MED17: variants seen among roughly 807,000 people sequenced by gnomAD.
The protein encoded by MED17 is mediator complex subunit 17, also known as mediator of RNA polymerase II transcription subunit 17.
In MED17, 49 loss-of-function variants were observed where a neutral mutation model predicts 80.8. The observed-to-expected ratio is 0.61, with a 90% CI of 0.48 to 0.77. The LOEUF (loss-of-function observed/expected upper bound fraction) is 0.77. Among genes scored for constraint, MED17 ranks in the 30% least tolerant of loss-of-function variants. The probability of loss-of-function intolerance (pLI) is 0.00; values close to 1 mark genes in which losing one functional copy is unlikely to be tolerated. For missense variants in MED17, 718 were observed against 787.0 expected (o/e 0.91, Z 1.05); for synonymous variants, 281 against 280.4 (o/e 1.00, Z -0.02).
chr11:93,804,528 A>T (rs574532447), intron 9 of MED17, among the ~76,000 whole-genome samples: 1 of 152,316 alleles, frequency 6.6e-6, no homozygotes, highest in East Asian at 1.9e-4. Flanking sequence ...TTTCTTACAC[A>T]TCTTTCTAGG....
chr11:93,809,475 G>A lies in MED17; in HGVS notation c.1585-242G>A. On this transcript the variant is annotated intron_variant, in intron 10 of 11. Transcript: ENST00000251871. ...TCAGTTGGCCAAATTTATGTCATAT[G>A]TCTTTGCTTAAGCTGCCAGTGGGCA... is the stretch of plus-strand genomic sequence containing the variant. 25 of 556,894 alleles carry A rather than the reference G, an allele frequency of 4.5e-5. 2 individuals are homozygous for A. Among genetic ancestry groups the A allele is most frequent in the South Asian group, 4.5e-4 (23 of 51,662 alleles). The allele number at this position is 556,894 out of a possible 1,614,324, so 34.5% of individuals were successfully genotyped here.
rs1458121857 is a variant in MED17 at position 93,814,333 on chromosome 11, A to G, written c.*2269A>G. 1.3e-5 allele frequency: 2 copies of G among 152,178 alleles called. No homozygotes were observed. Among genetic ancestry groups the G allele is most frequent in the South Asian group, 4.1e-4 (2 of 4,830 alleles). 9.4% of individuals were successfully genotyped at this position (152,178 alleles called of 1,614,324 possible). A position where few individuals can be genotyped will look rare whatever the true frequency, so the allele number is the denominator to read the frequency against. On this transcript the variant is annotated 3_prime_UTR_variant, in exon 12 of 12. Transcript: ENST00000251871. ...TGTGGTAGCAATTCTTATGCCTTGT[A>G]TTTATTTACATTTTCTAGTTTAATG...
chr11:93,795,466 C>T (rs747505143), intron 6 of MED17: 3 of 182,410 alleles, frequency 1.6e-5, no homozygotes, highest in East Asian at 1.5e-4. Flanking sequence ...TATGGGAGGC[C>T]GAGGCGGGCA....
chr11:93,790,706 A>C lies in MED17; in HGVS notation c.550A>C (p.Asn184His). 1 of 1,614,272 alleles carries C rather than the reference A, an allele frequency of 6.2e-7. No individual in the cohort carries two copies. The highest frequency in any genetic ancestry group is 8.5e-7 in the Non-Finnish European group (1 of 1,180,050). ...NQENKLQRDF[N>H]SELLRLRQHW... is the part of the protein sequence containing the mutation. ...AGAAAACAAGCTACAAAGAGACTTC[A>C]ATTCTGAGCTTTTGCGATTACGGCA... The change falls in exon 3 of 12, where the codon AAT (asparagine) becomes CAT (histidine). Residue 184 changes from asparagine to histidine, a missense_variant. By Grantham distance (68) the Asn-to-His change is moderately conservative. Transcript: ENST00000251871.
chr11:93,790,385 C>T (rs1341648100), intron 2 of MED17, 189 bp from the exon 3 acceptor site: 2 of 626,706 alleles, frequency 3.2e-6, no homozygotes, highest in South Asian at 3.3e-5. Flanking sequence ...TTTGGTTTAA[C>T]ATAAGTAAAG....
At chr11:93,803,999 GTA>G (rs1166820708) in intron 9 of MED17, among the ~76,000 whole-genome samples, 376 of 27,114 alleles carry the variant, frequency 0.014, 1 homozygote, top group African/African-American at 0.03. Flanking sequence ...ATATGTGTGT[GTA>G]TATATATATA....
At chr11:93,796,975 T>C (rs1318902243) in intron 7 of MED17, 3 of 236,228 alleles carry the variant, frequency 1.3e-5, no homozygotes, top group Non-Finnish European at 2.5e-5. Context: ...TTTCATAGAA[T>C]TATATATTAC....
chr11:93,787,243 C>G (rs557108307), intron 1 of MED17, among the ~76,000 whole-genome samples: 7 of 152,102 alleles, frequency 4.6e-5, no homozygotes, highest in African/African-American at 1.7e-4. Flanking sequence ...GAAACCCCGT[C>G]TCTACTAAAA....
rs1390359121 is a variant in MED17 at position 93,784,663 on chromosome 11, C to T, written c.150C>T (p.Ser50=). The T allele has an allele frequency of 4.5e-6, 7 of 1,564,388 alleles. No homozygotes were observed. In the African/African-American group the frequency reaches 8.1e-5, roughly 18 times the overall value. The change falls in exon 1 of 12, where the codon AGC becomes AGT. Residue 50 remains serine (S), a synonymous_variant. Transcript: ENST00000251871. Reference sequence around the variant, plus strand: ...GTCTGGCCCAGCGGATAGACTTCAGCCAGGGTTCGGGCTCCGAGGAGGAGG... The same window carrying T: ...GTCTGGCCCAGCGGATAGACTTCAGTCAGGGTTCGGGCTCCGAGGAGGAGG... The part of the protein sequence containing the change: ...LARLAQRIDF[S]QGSGSEEEEA...
rs574666525 is a variant in MED17, at chr11:93,789,776, T to C, written c.418-798T>C. 5.2e-5 allele frequency: 7 copies of C among 135,736 alleles called. No homozygotes were observed. In the East Asian group the frequency reaches 1.5e-3, roughly 29 times the overall value. The allele number at this position is 135,736 out of a possible 1,614,324, so 8.4% of individuals were successfully genotyped here. ...GAGTTTGAGACTTTCCCAGGCAACA[T>C]AGCAAGACCCTGTCTCTACCAAAAA... On this transcript the variant is annotated intron_variant, in intron 2 of 11. Transcript: ENST00000251871.
At chr11:93,795,193 C>A in intron 6 of MED17, 133 bp downstream of exon 6, 1 of 984,420 alleles carries the variant, frequency 1.0e-6, no homozygotes, top group Non-Finnish European at 1.6e-6. Flanking sequence ...ATAGTGACAG[C>A]CAGTAAAGCA....
rs79830530 is a variant in MED17 at position 93,797,961 on chromosome 11, A to G, written c.1328+242A>G. The stretch of plus-strand genomic sequence containing the variant: ...CACTTTTTTGCAAAGACAACTGACT[A>G]GGAATGTGCCTTACAACACCATACT... On this transcript the variant is annotated intron_variant, in intron 8 of 11. Transcript: ENST00000251871. Among the ~76,000 whole-genome samples, 314 of 152,306 alleles carry G rather than the reference A, an allele frequency of 2.1e-3. 11 individuals carry two copies. The East Asian group carries it at 0.057, about 28-fold the overall frequency.
In MED17 at chr11:93,790,758, A is replaced by G. The variant is rs770618400; in HGVS notation, c.602A>G (p.Asp201Gly). The change falls in exon 3 of 12, where the codon GAT (aspartate) becomes GGT (glycine). Residue 201 changes from aspartate to glycine, a missense_variant. Transcript: ENST00000251871. ...CACTGGAAACTTCGAAAAGTTGGAG[A>G]TAAAATTCTCGGAGATCTGAGCTAC... is the stretch of plus-strand genomic sequence containing the variant. Reference protein sequence around the residue: ...RQHWKLRKVGDKILGDLSYRS... With the variant: ...RQHWKLRKVGGKILGDLSYRS... 2 of 1,614,228 alleles carry G rather than the reference A, an allele frequency of 1.2e-6. No individual in the cohort carries two copies. The highest frequency in any genetic ancestry group is 1.7e-5 in the Admixed American group (1 of 60,032).
intron 5 of MED17, 139 bp downstream of exon 5, chr11:93,794,174 T>A (rs2135713355): frequency 3.0e-6 from 2 of 655,806 alleles, no homozygotes; most frequent in South Asian, 1.7e-5. Context: ...AATTTATCAA[T>A]AAACTATTAG....
chr11:93,801,484 A>G (rs1184733281), intron 8 of MED17: 1 of 265,180 alleles, frequency 3.8e-6, no homozygotes, highest in Non-Finnish European at 7.4e-6. Flanking sequence ...TGAATGATTT[A>G]TATTAGGTTT....
At chr11:93,801,806 A>G (rs913758309) in intron 8 of MED17, 29 bp from the exon 9 acceptor site, 5 of 1,606,878 alleles carry the variant, frequency 3.1e-6, no homozygotes, top group Non-Finnish European at 4.3e-6. Flanking sequence ...GGTGACTTAA[A>G]AAGTTTTTTA....
intron 8 of MED17, among the ~76,000 whole-genome samples, chr11:93,798,047 G>A (rs1225763637): frequency 2.0e-5 from 3 of 152,162 alleles, no homozygotes; most frequent in Non-Finnish European, 4.4e-5. Flanking sequence ...TTTTTCTTGA[G>A]GGTTTCTGTA....
intron 5 of MED17, 173 bp downstream of exon 5, chr11:93,794,208 T>C: frequency 2.0e-6 from 1 of 512,348 alleles, no homozygotes; most frequent in East Asian, 3.4e-5. Context: ...AATTTTTTTT[T>C]TTTTTTTTTT....
At chr11:93,788,711 T>C (rs1176600785) in intron 2 of MED17, 2 of 153,254 alleles carry the variant, frequency 1.3e-5, no homozygotes, top group East Asian at 3.8e-4. Context: ...TGTAATACTT[T>C]AAAGGTTACC....
Sources: gnomAD v4.1 joint callset for allele counts (sites outside exome capture counted in the v4.1 genomes callset) on GRCh38, gnomAD v4.1.1 for gene constraint, MANE v1.5 for transcripts, NCBI Gene and HGNC (gene_info 2026-07-23, HGNC 2026-07-21) for gene names.